Variants in TRAPPC9 observed in about 807,000 individuals in gnomAD.
The protein encoded by TRAPPC9 is IKK2 binding protein.
In TRAPPC9, 83 loss-of-function variants were observed where a neutral mutation model predicts 124.0. That is an observed-to-expected ratio of 0.67 (90% confidence interval 0.56 to 0.80). The LOEUF (loss-of-function observed/expected upper bound fraction) is 0.80, where lower values mean the gene tolerates loss of function less well. Among genes scored for constraint, TRAPPC9 ranks in the 30% least tolerant of loss-of-function variants. The probability of loss-of-function intolerance (pLI) is 0.00; values close to 1 mark genes in which losing one functional copy is unlikely to be tolerated. For missense variants in TRAPPC9, 1,302 were observed against 1,508.3 expected, an observed-to-expected ratio of 0.86 and a Z score of 2.27; for synonymous variants, 638 against 617.5, an observed-to-expected ratio of 1.03 and a Z score of -0.49.
intron 16 of TRAPPC9, among the ~76,000 whole-genome samples, chr8:140,237,386 G>T (rs111926771): frequency 6.6e-6 from 1 of 151,214 alleles, no homozygotes; most frequent in Non-Finnish European, 1.5e-5. Context: ...GAGATTCAGA[G>T]AATGAGTAAG....
chr8:140,211,252 GTA>G (rs1421295295), intron 17 of TRAPPC9, among the ~76,000 whole-genome samples: 1 of 152,104 alleles, frequency 6.6e-6, no homozygotes, highest in Non-Finnish European at 1.5e-5. Flanking sequence ...ATAAAAAAAA[GTA>G]TTTTTTTTAA....
intron 19 of TRAPPC9, among the ~76,000 whole-genome samples, chr8:139,920,951 C>T (rs1832464295): frequency 6.6e-6 from 1 of 152,254 alleles, no homozygotes; most frequent in South Asian, 2.1e-4. Flanking sequence ...TCTGCTTCTG[C>T]TTCCATCACC....
intron 18 of TRAPPC9, among the ~76,000 whole-genome samples, chr8:139,989,938 T>C (rs928344233): frequency 1.3e-5 from 2 of 152,178 alleles, no homozygotes; most frequent in African/African-American, 4.8e-5. Flanking sequence ...GCTCAGTGGA[T>C]GGCTGCACCC....
chr8:139,842,602 C>T (rs1280133374), intron 21 of TRAPPC9, among the ~76,000 whole-genome samples: 1 of 151,600 alleles, frequency 6.6e-6, no homozygotes, highest in Non-Finnish European at 1.5e-5. Flanking sequence ...GTGCCCGGGG[C>T]CATGATCACA....
At chr8:140,429,042 G>A (rs1196542141) in intron 4 of TRAPPC9, among the ~76,000 whole-genome samples, 5 of 151,726 alleles carry the variant, frequency 3.3e-5, no homozygotes, top group African/African-American at 9.7e-5. Flanking sequence ...AGCTCAGCCC[G>A]ACTGCCAGGG....
At chr8:140,069,416 G>A (rs1843030134) in intron 17 of TRAPPC9, among the ~76,000 whole-genome samples, 1 of 152,152 alleles carries the variant, frequency 6.6e-6, no homozygotes, top group Non-Finnish European at 1.5e-5. Flanking sequence ...GCATGGGTAA[G>A]GCACCAAGAC....
chr8:139,831,158 C>A (rs1029056786), intron 21 of TRAPPC9, among the ~76,000 whole-genome samples: 1 of 152,162 alleles, frequency 6.6e-6, no homozygotes, highest in Non-Finnish European at 1.5e-5. Flanking sequence ...CACGCAGGCT[C>A]CACAAGTTCA....
intron 21 of TRAPPC9, among the ~76,000 whole-genome samples, chr8:139,835,488 C>T (rs1563850566): frequency 1.3e-5 from 2 of 152,190 alleles, no homozygotes; most frequent in African/African-American, 2.4e-5. Flanking sequence ...CGTGGATGCA[C>T]GGATGGATGT....
At chr8:140,089,957 G>A (rs930299349) in intron 17 of TRAPPC9, among the ~76,000 whole-genome samples, 23 of 152,156 alleles carry the variant, frequency 1.5e-4, no homozygotes, top group African/African-American at 5.3e-4. Context: ...GTGCACGCCT[G>A]TAGTCCCAGC....
At chr8:140,195,509 T>C (rs901151858) in intron 17 of TRAPPC9, among the ~76,000 whole-genome samples, 2 of 150,960 alleles carry the variant, frequency 1.3e-5, no homozygotes, top group Non-Finnish European at 2.9e-5. Context: ...TCTGTGACAC[T>C]AAAACACACT....
At chr8:140,093,254 A>C (rs1844689883) in intron 17 of TRAPPC9, among the ~76,000 whole-genome samples, 1 of 152,212 alleles carries the variant, frequency 6.6e-6, no homozygotes, top group African/African-American at 2.4e-5. Flanking sequence ...GGAAGTTGCT[A>C]CGGGGTCCCT....
intron 7 of TRAPPC9, among the ~76,000 whole-genome samples, chr8:140,385,498 C>T (rs1010698727): frequency 6.6e-6 from 1 of 152,072 alleles, no homozygotes; most frequent in Non-Finnish European, 1.5e-5. Context: ...ACCACCAATC[C>T]CACAGAAATA....
chr8:140,142,322 C>G (rs1248209347), intron 17 of TRAPPC9, among the ~76,000 whole-genome samples: 1 of 152,270 alleles, frequency 6.6e-6, no homozygotes, highest in African/African-American at 2.4e-5. Flanking sequence ...AATGTGACAT[C>G]TGATGACCTT....
At chr8:139,836,980 G>A (rs369339714) in intron 21 of TRAPPC9, among the ~76,000 whole-genome samples, 78,905 of 151,550 alleles carry the variant, frequency 0.52, 22,026 homozygotes, top group East Asian at 0.74. Flanking sequence ...GAGGACTTGG[G>A]GCCTAGCGAT....
chr8:140,173,553 CAAAA>C (rs57984220), intron 17 of TRAPPC9, among the ~76,000 whole-genome samples: 1 of 59,796 alleles, frequency 1.7e-5, no homozygotes, highest in Non-Finnish European at 3.8e-5. Flanking sequence ...GACTCTGTCT[CAAAA>C]AAAAAAAAAA....
At chr8:139,808,827 T>C (rs188620596) in intron 21 of TRAPPC9, among the ~76,000 whole-genome samples, 8 of 152,388 alleles carry the variant, frequency 5.2e-5, no homozygotes, top group Admixed American at 2.0e-4. Context: ...AGTATTCCAC[T>C]GTATGGATAT....
rs1432882614 is a variant in TRAPPC9 at position 140,408,414 on chromosome 8, G to A, written c.887-2716C>T. On this transcript the variant is annotated intron_variant, in intron 5 of 22. Coordinates refer to ENST00000438773, the MANE Select transcript of TRAPPC9 (RefSeq NM_001160372.4). ...AAGACTGTATACAAGGCACAAAACT[G>A]GAAACCCAGACATACACATAAGATA... Among the ~76,000 whole-genome samples, 14 of 152,116 alleles carry A rather than the reference G, an allele frequency of 9.2e-5. No individual in the cohort carries two copies. The Middle Eastern group carries it at 0.01, about 112-fold the overall frequency.
intron 4 of TRAPPC9, among the ~76,000 whole-genome samples, chr8:140,432,312 C>G (rs1001834917): frequency 6.6e-6 from 1 of 152,178 alleles, no homozygotes; most frequent in African/African-American, 2.4e-5. Context: ...ATACTGAAAT[C>G]TGCTTCAAGG....
intron 17 of TRAPPC9, among the ~76,000 whole-genome samples, chr8:140,132,660 A>G (rs2061228889): frequency 6.6e-6 from 1 of 152,098 alleles, no homozygotes. Context: ...AGCCCTGGAG[A>G]CCTCGGTCTA....
Sources: gnomAD v4.1 joint callset for allele counts (sites outside exome capture counted in the v4.1 genomes callset) on GRCh38, gnomAD v4.1.1 for gene constraint, MANE v1.5 for transcripts, NCBI Gene and HGNC (gene_info 2026-07-23, HGNC 2026-07-21) for gene names.